The following LOC128462377 variants were observed in gnomAD, a reference collection of about 807,000 sequenced individuals.
the LOC128462377 span, among the ~76,000 whole-genome samples, chr16:89,333,307 C>T: frequency 6.6e-6 from 1 of 152,176 alleles, no homozygotes; most frequent in Non-Finnish European, 1.5e-5. Flanking sequence ...CCCCTGCACC[C>T]CCGGGCTCAG....
the LOC128462377 span, among the ~76,000 whole-genome samples, chr16:89,383,141 C>A: frequency 6.6e-6 from 1 of 152,204 alleles, no homozygotes; most frequent in African/African-American, 2.4e-5. Flanking sequence ...GGACCCACAG[C>A]CTAAGGCCAA....
the LOC128462377 span, among the ~76,000 whole-genome samples, chr16:89,345,397 G>A: frequency 6.6e-6 from 1 of 152,102 alleles, no homozygotes; most frequent in East Asian, 1.9e-4. Flanking sequence ...GTGGACGAAC[G>A]CTGGCTGCTA....
At chr16:89,324,452 C>T in the LOC128462377 span, 7 of 460,168 alleles carry the variant, frequency 1.5e-5, no homozygotes, top group Non-Finnish European at 3.0e-5. Context: ...AGGGTTACTA[C>T]TGAGTTTCAA....
At chr16:89,394,520 C>T in the LOC128462377 span, among the ~76,000 whole-genome samples, 1 of 151,810 alleles carries the variant, frequency 6.6e-6, no homozygotes, top group African/African-American at 2.4e-5. Flanking sequence ...CCCAGCTACT[C>T]GGGAGGCTGA....
chr16:89,334,169 A>AAAAAAAAAAAAAAAAAAAC, the LOC128462377 span, among the ~76,000 whole-genome samples: 1 of 107,292 alleles, frequency 9.3e-6, no homozygotes, highest in African/African-American at 3.5e-5. Context: ...AAAAAAAAAA[A>AAAAAAAAAAAAAAAAAAAC]AAAACAGAGA....
At chr16:89,362,741 C>G in the LOC128462377 span, among the ~76,000 whole-genome samples, 1 of 152,236 alleles carries the variant, frequency 6.6e-6, no homozygotes, top group South Asian at 2.1e-4. Context: ...CCCTGGCATG[C>G]TTATACTGGT....
the LOC128462377 span, among the ~76,000 whole-genome samples, chr16:89,363,776 C>G: frequency 6.6e-6 from 1 of 152,170 alleles, no homozygotes; most frequent in African/African-American, 2.4e-5. Flanking sequence ...GGAGTGCTAG[C>G]CCTATGCGGT....
the LOC128462377 span, among the ~76,000 whole-genome samples, chr16:89,327,167 C>T: frequency 5.3e-5 from 8 of 152,132 alleles, no homozygotes. Flanking sequence ...AAGGCTGGCT[C>T]AACCATCAAT....
At chr16:89,415,829 C>CAAAAAAAAAAAA in the LOC128462377 span, among the ~76,000 whole-genome samples, 304 of 39,668 alleles carry the variant, frequency 7.7e-3, 15 homozygotes, top group East Asian at 1.0e-2. Context: ...GACTCTGTCT[C>CAAAAAAAAAAAA]AAAAAAAAAA....
At chr16:89,320,521 T>C in the LOC128462377 span, among the ~76,000 whole-genome samples, 2 of 152,116 alleles carry the variant, frequency 1.3e-5, no homozygotes, top group Non-Finnish European at 2.9e-5. Context: ...CACCTGGCCC[T>C]GACCGCCCCC....
At chr16:89,403,251 T>C in the LOC128462377 span, among the ~76,000 whole-genome samples, 1 of 152,184 alleles carries the variant, frequency 6.6e-6, no homozygotes, top group Non-Finnish European at 1.5e-5. Context: ...AAGTATCTGA[T>C]GCGCACTCAC....
the LOC128462377 span, among the ~76,000 whole-genome samples, chr16:89,350,096 G>A: frequency 6.6e-6 from 1 of 152,124 alleles, no homozygotes; most frequent in African/African-American, 2.4e-5. Context: ...CACATGAAAA[G>A]ACAAGCAACA....
chr16:89,341,844 AGTGCTGC>A, the LOC128462377 span, among the ~76,000 whole-genome samples: 3 of 150,828 alleles, frequency 2.0e-5, no homozygotes, highest in African/African-American at 7.3e-5. Flanking sequence ...CCACGGCGGG[AGTGCTGC>A]ACCTCCACCC....
chr16:89,391,971 C>G, the LOC128462377 span, among the ~76,000 whole-genome samples: 1 of 152,122 alleles, frequency 6.6e-6, no homozygotes, highest in Non-Finnish European at 1.5e-5. Flanking sequence ...TGTTCCTCTT[C>G]CTTAGTTGAA....
chr16:89,323,255 C>A, the LOC128462377 span: 1 of 1,256,638 alleles, frequency 8.0e-7, no homozygotes, highest in Non-Finnish European at 1.0e-6. Context: ...GGAAAAAGAG[C>A]TGCATACCTG....
the LOC128462377 span, among the ~76,000 whole-genome samples, chr16:89,357,741 A>G: frequency 1.2e-4 from 19 of 152,342 alleles, no homozygotes; most frequent in African/African-American, 4.3e-4. Flanking sequence ...AGGGACAAAC[A>G]GCAGCTGCAC....
chr16:89,322,478 C>A, the LOC128462377 span, among the ~76,000 whole-genome samples: 2 of 152,238 alleles, frequency 1.3e-5, no homozygotes, highest in African/African-American at 4.8e-5. Context: ...CAGCCCCTCC[C>A]CTCACGCAGG....
At chr16:89,384,879 C>CTTTTTCTTTTTTTTTTTTTTT in the LOC128462377 span, among the ~76,000 whole-genome samples, 2 of 49,910 alleles carry the variant, frequency 4.0e-5, no homozygotes, top group African/African-American at 1.6e-4. Context: ...AAATAGTTTT[C>CTTTTTCTTTTTTTTTTTTTTT]TTTTTTTTTT....
the LOC128462377 span, among the ~76,000 whole-genome samples, chr16:89,320,974 CAAGAGCACT>C: frequency 2.6e-5 from 4 of 152,218 alleles, no homozygotes; most frequent in East Asian, 7.7e-4. Flanking sequence ...AAGGTGGCTT[CAAGAGCACT>C]CAGGAGGTGA....
Sources: gnomAD v4.1 joint callset for allele counts (sites outside exome capture counted in the v4.1 genomes callset) on GRCh38, gnomAD v4.1.1 for gene constraint, MANE v1.5 for transcripts.